Variants in MAPKAP1 observed in about 807,000 individuals in gnomAD.
MAPKAP1 encodes target of rapamycin complex 2 subunit MAPKAP1.
Under a neutral mutation model 65.7 loss-of-function variants are expected in MAPKAP1, and 20 were observed. The observed-to-expected ratio is 0.30, with a 90% confidence interval of 0.21 to 0.44. The LOEUF is 0.44. Among genes scored for constraint, MAPKAP1 ranks in the 20% least tolerant of loss-of-function variants. The pLI is 1.00. For missense variants in MAPKAP1, 423 were observed against 648.0 expected (o/e 0.65, Z 3.77); for synonymous variants, 222 against 244.3 (o/e 0.91, Z 0.85).
intron 10 of MAPKAP1, among the ~76,000 whole-genome samples, chr9:125,449,302 C>T (rs1261288315): frequency 6.6e-6 from 1 of 152,162 alleles, no homozygotes; most frequent in Non-Finnish European, 1.5e-5. Context: ...TCAGTGATCT[C>T]TTATATGTCA....
rs141020614 is a variant in MAPKAP1, at chr9:125,599,465, C to A, written c.499-13738G>T. ...CCTCCATAGACACCCTTTCATATAC[C>A]TAGTATCTCAAACAAAAAACTTGGT... On this transcript the variant is annotated intron_variant, in intron 4 of 11. Coordinates refer to ENST00000265960, the MANE Select transcript of MAPKAP1 (RefSeq NM_001006617.3). Among the ~76,000 whole-genome samples the A allele has an allele frequency of 8.6e-3, 1,312 of 152,280 alleles. 15 individuals are homozygous for A. Among genetic ancestry groups the A allele is most frequent in the South Asian group, 0.024 (115 of 4,824 alleles).
At chr9:125,627,223 G>A (rs1191144797) in intron 4 of MAPKAP1, among the ~76,000 whole-genome samples, 1 of 152,084 alleles carries the variant, frequency 6.6e-6, no homozygotes. Context: ...AATCCATGAC[G>A]CCTTCTGATA....
intron 2 of MAPKAP1, 88 bp from the exon 3 acceptor site, chr9:125,669,995 A>G: frequency 1.3e-6 from 1 of 745,120 alleles, no homozygotes; most frequent in South Asian, 1.9e-5. Context: ...ATGAATAAAG[A>G]TGTTTTATAT....
chr9:125,503,032 C>T (rs1003266336), intron 8 of MAPKAP1, among the ~76,000 whole-genome samples: 3 of 152,056 alleles, frequency 2.0e-5, no homozygotes, highest in African/African-American at 4.8e-5. Context: ...TATCTAAAAA[C>T]GTATTCTGCC....
chr9:125,529,179 A>G (rs1289355270), intron 7 of MAPKAP1, among the ~76,000 whole-genome samples: 1 of 141,896 alleles, frequency 7.0e-6, no homozygotes, highest in Non-Finnish European at 1.5e-5. Context: ...TATCTCAGGA[A>G]AAAAAAAAAA....
intron 4 of MAPKAP1, among the ~76,000 whole-genome samples, chr9:125,602,785 A>G (rs997941475): frequency 6.6e-6 from 1 of 152,118 alleles, no homozygotes; most frequent in Non-Finnish European, 1.5e-5. Flanking sequence ...TCCCTCTTAG[A>G]GCTGTTCGTT....
At chr9:125,683,999 A>G (rs1307116641) in intron 1 of MAPKAP1, among the ~76,000 whole-genome samples, 1 of 152,194 alleles carries the variant, frequency 6.6e-6, no homozygotes, top group Non-Finnish European at 1.5e-5. Flanking sequence ...TGTAAGTCCA[A>G]CAGAAGTATC....
At chr9:125,519,211 G>C (rs1031705511) in intron 7 of MAPKAP1, among the ~76,000 whole-genome samples, 3 of 152,112 alleles carry the variant, frequency 2.0e-5, no homozygotes, top group Non-Finnish European at 4.4e-5. Flanking sequence ...AATTGGGATA[G>C]AGCCTGTTCA....
At chr9:125,604,821 T>G (rs1832397525) in intron 4 of MAPKAP1, among the ~76,000 whole-genome samples, 1 of 152,202 alleles carries the variant, frequency 6.6e-6, no homozygotes, top group African/African-American at 2.4e-5. Context: ...AAGCCATCTC[T>G]TCTCAATTTT....
rs1564620315 is a variant in MAPKAP1, at chr9:125,693,712, T to TATACACGTATACACACAC, written c.-70+13258_-70+13259insGTGTGTGTATACGTGTAT. Among the ~76,000 whole-genome samples the TATACACGTATACACACAC allele has an allele frequency of 2.4e-4, 14 of 57,434 alleles. 1 individual carries two copies. Among genetic ancestry groups the TATACACGTATACACACAC allele is most frequent in the African/African-American group, 8.6e-4 (14 of 16,222 alleles). 37.7% of individuals were successfully genotyped at this position (57,434 alleles called of 152,430 possible). The stretch of plus-strand genomic sequence containing the variant: ...GTATATATACACGTATATATACACA[T>TATACACGTATACACACAC]ATATACACGTATATACACATATATA... On this transcript the variant is annotated intron_variant, in intron 1 of 11. Transcript: ENST00000265960.
intron 3 of MAPKAP1, among the ~76,000 whole-genome samples, chr9:125,661,451 C>T (rs1834182091): frequency 6.6e-6 from 1 of 152,188 alleles, no homozygotes; most frequent in African/African-American, 2.4e-5. Flanking sequence ...GGCACTGGTA[C>T]ATGCGTATCA....
intron 10 of MAPKAP1, among the ~76,000 whole-genome samples, chr9:125,466,553 G>C (rs969381561): frequency 7.2e-5 from 11 of 152,178 alleles, no homozygotes; most frequent in Admixed American, 2.6e-4. Flanking sequence ...TTCTTGGAGA[G>C]AAAGATGCTA....
chr9:125,464,103 C>A (rs184263380), intron 10 of MAPKAP1, among the ~76,000 whole-genome samples: 1 of 149,896 alleles, frequency 6.7e-6, no homozygotes. Flanking sequence ...GTGGCGCATG[C>A]CTGTAGTCCC....
chr9:125,453,692 C>A (rs1159599334), intron 10 of MAPKAP1, among the ~76,000 whole-genome samples: 1 of 152,172 alleles, frequency 6.6e-6, no homozygotes, highest in Non-Finnish European at 1.5e-5. Flanking sequence ...GAATCTTTCC[C>A]CTTGCCTGCT....
chr9:125,704,681 G>C (rs925632844), intron 1 of MAPKAP1, among the ~76,000 whole-genome samples: 1 of 152,100 alleles, frequency 6.6e-6, no homozygotes, highest in African/African-American at 2.4e-5. Flanking sequence ...CACTGACTCT[G>C]ACCCCTACCG....
In MAPKAP1 at chr9:125,527,630, A is replaced by C. The variant is rs551121328; in HGVS notation, c.958+15429T>G. Among the ~76,000 whole-genome samples, 5 of 152,216 alleles carry C rather than the reference A, an allele frequency of 3.3e-5. No individual in the cohort carries two copies. The South Asian group carries it at 1.0e-3, about 32-fold the overall frequency. On this transcript the variant is annotated intron_variant, in intron 7 of 11. Transcript: ENST00000265960. ...GCTGTGCACTCTCTCTCTCTTTCACACACACCCACACGTCCTTTGGAAAGT... is the reference window on the plus strand; with the variant it reads ...GCTGTGCACTCTCTCTCTCTTTCACCCACACCCACACGTCCTTTGGAAAGT...
intron 5 of MAPKAP1, among the ~76,000 whole-genome samples, chr9:125,577,019 A>C (rs1831428562): frequency 3.1e-5 from 4 of 130,466 alleles, no homozygotes; most frequent in African/African-American, 6.0e-5. Flanking sequence ...CTGGCTGCCC[A>C]GTCTGGAAAG....
At chr9:125,452,860 C>G (rs1314029043) in intron 10 of MAPKAP1, among the ~76,000 whole-genome samples, 1 of 151,812 alleles carries the variant, frequency 6.6e-6, no homozygotes, top group Non-Finnish European at 1.5e-5. Context: ...CCACTGTACT[C>G]CAGCGTGGGT....
intron 3 of MAPKAP1, 64 bp downstream of exon 3, chr9:125,669,754 A>C (rs1040160630): frequency 1.7e-5 from 14 of 810,796 alleles, no homozygotes; most frequent in Middle Eastern, 3.7e-4. Flanking sequence ...TAAAAATAAA[A>C]GTTCTTATAT....
Sources: gnomAD v4.1 joint callset for allele counts (sites outside exome capture counted in the v4.1 genomes callset) on GRCh38, gnomAD v4.1.1 for gene constraint, MANE v1.5 for transcripts, NCBI Gene and HGNC (gene_info 2026-07-23, HGNC 2026-07-21) for gene names.